Variants in CACNA1C observed in about 807,000 individuals in gnomAD.
CACNA1C encodes the protein calcium voltage-gated channel subunit alpha1 C, also known as voltage-dependent L-type calcium channel subunit alpha-1C.
In CACNA1C, 30 loss-of-function variants were observed where a neutral mutation model predicts 229.0. The ratio of observed to expected loss-of-function variants is 0.13; its 90% CI spans 0.10 to 0.18. The LOEUF (loss-of-function observed/expected upper bound fraction) is 0.18. Ranked by LOEUF, CACNA1C falls within the 10% of genes least tolerant of loss-of-function variation. The pLI, the probability that CACNA1C is intolerant of heterozygous loss-of-function variation, is 1.00. For missense variants in CACNA1C, 1,658 were observed against 2,845.0 expected, an observed-to-expected ratio of 0.58 and a Z score of 9.49; for synonymous variants, 1,114 against 1,132.5, an observed-to-expected ratio of 0.98 and a Z score of 0.33.
At chr12:2,120,252 T>A (rs992873430) in intron 2 of CACNA1C, 73 bp from the exon 3 acceptor site, 4 of 831,548 alleles carry the variant, frequency 4.8e-6, no homozygotes, top group Non-Finnish European at 8.5e-6. Context: ...TGATTCATTT[T>A]AAAAAATATG....
intron 1 of CACNA1C, chr12:1,993,387 C>T: frequency 1.2e-6 from 2 of 1,609,782 alleles, no homozygotes; most frequent in East Asian, 4.5e-5. Flanking sequence ...TTTGGAGAAG[C>T]AGACCTAAAA....
intron 1 of CACNA1C, among the ~76,000 whole-genome samples, chr12:2,081,726 A>AT (rs1162482150): frequency 1.3e-5 from 2 of 152,130 alleles, no homozygotes; most frequent in East Asian, 3.9e-4. Context: ...TTTTAAGAAG[A>AT]TTAAGATTTA....
intron 11 of CACNA1C, among the ~76,000 whole-genome samples, chr12:2,560,363 C>T (rs1285901582): frequency 6.6e-6 from 1 of 152,152 alleles, no homozygotes; most frequent in Non-Finnish European, 1.5e-5. Flanking sequence ...CAGAATGATC[C>T]AAAGTCACGG....
chr12:2,206,751 T>C (rs2097767267), intron 3 of CACNA1C, among the ~76,000 whole-genome samples: 1 of 152,226 alleles, frequency 6.6e-6, no homozygotes, highest in Non-Finnish European at 1.5e-5. Flanking sequence ...AGGTGCATAT[T>C]ATATGCATGT....
chr12:2,089,808 G>A (rs1412789594), intron 1 of CACNA1C, among the ~76,000 whole-genome samples: 2 of 151,858 alleles, frequency 1.3e-5, no homozygotes, highest in East Asian at 3.9e-4. Context: ...GCTGAGGTGG[G>A]CGGATCACAA....
At position 2,595,775 on chromosome 12, in the gene CACNA1C, C is replaced by T. The variant is rs1420665541; in HGVS notation, c.2664-99C>T. 1.1e-5 allele frequency: 13 copies of T among 1,153,638 alleles called. No individual in the cohort carries two copies. The highest frequency in any genetic ancestry group is 8.7e-6 in the Non-Finnish European group (7 of 806,944). 71.5% of individuals were successfully genotyped at this position (1,153,638 alleles called of 1,614,324 possible). ...CAGGCCAACAAGCACCTGTTGCCAG[C>T]TGCTGGGGAGAGCTGAGGAGAGGGG... On this transcript the variant is annotated intron_variant, in intron 19 of 46. Transcript: ENST00000399655. This position sits in a 1 kb window ranked among gnomAD's most constrained non-coding sequence, Gnocchi z 4.1.
intron 3 of CACNA1C, chr12:2,222,149 A>G (rs1394101879): frequency 7.9e-5 from 12 of 152,258 alleles, no homozygotes; most frequent in Non-Finnish European, 1.3e-4. Flanking sequence ...AACATTTGAA[A>G]TAAAAACTTA....
intron 30 of CACNA1C, among the ~76,000 whole-genome samples, chr12:2,645,382 G>T (rs2094224049): frequency 6.6e-6 from 1 of 152,132 alleles, no homozygotes; most frequent in Admixed American, 6.5e-5. Context: ...AAGTATTGAT[G>T]GCTACCAACA....
intron 21 of CACNA1C, among the ~76,000 whole-genome samples, chr12:2,598,630 T>C (rs1476066069): frequency 6.6e-6 from 1 of 152,190 alleles, no homozygotes; most frequent in Non-Finnish European, 1.5e-5. Flanking sequence ...CTGTGGCCAA[T>C]GCAAGCTGAA....
chr12:2,447,242 G>A (rs1284694430), intron 3 of CACNA1C, among the ~76,000 whole-genome samples: 3 of 152,272 alleles, frequency 2.0e-5, no homozygotes, highest in East Asian at 1.9e-4. Context: ...AAAGATTGGA[G>A]CTTCCCACGT....
chr12:2,121,042 C>G (rs1430327170), intron 3 of CACNA1C, among the ~76,000 whole-genome samples: 1 of 152,174 alleles, frequency 6.6e-6, no homozygotes, highest in Non-Finnish European at 1.5e-5. Flanking sequence ...TTACTTTTGG[C>G]TGAGCTTGAA....
At chr12:2,149,315 G>A (rs938972253) in intron 3 of CACNA1C, among the ~76,000 whole-genome samples, 50 of 152,146 alleles carry the variant, frequency 3.3e-4, no homozygotes, top group African/African-American at 1.1e-3. Flanking sequence ...GCATCCTTCC[G>A]AGGCTCAAAG....
At chr12:2,433,761 G>A (rs1483560732) in intron 3 of CACNA1C, among the ~76,000 whole-genome samples, 2 of 152,074 alleles carry the variant, frequency 1.3e-5, no homozygotes, top group Admixed American at 6.5e-5. Flanking sequence ...TAGTCCTGCC[G>A]ACTTCCTTCT....
Position 2,512,787 on chromosome 12 carries a change from C to T in CACNA1C, c.1218-25C>T, listed in dbSNP as rs929360778. ...CCCTCCTTCTCTGTGCTCTCCTGCCCTGCCCCTCCTCTCACTCTCACCAGA... is the reference window on the plus strand; with the variant it reads ...CCCTCCTTCTCTGTGCTCTCCTGCCTTGCCCCTCCTCTCACTCTCACCAGA... On this transcript the variant is annotated intron_variant, in intron 8 of 46. Coordinates refer to ENST00000399655, the MANE Select transcript of CACNA1C (RefSeq NM_000719.7). This position sits in a 1 kb window ranked among gnomAD's most constrained non-coding sequence, Gnocchi z 4.3. 6.3e-7 allele frequency: 1 copy of T among 1,588,714 alleles called. No individual in the cohort carries two copies. Among genetic ancestry groups the T allele is most frequent in the African/African-American group, 1.3e-5 (1 of 74,538 alleles).
intron 9 of CACNA1C, among the ~76,000 whole-genome samples, chr12:2,528,860 C>T (rs2099834190): frequency 6.6e-6 from 1 of 152,258 alleles, no homozygotes; most frequent in South Asian, 2.1e-4. Context: ...AAAATGGCAT[C>T]GTTAGCGTGA....
rs1555107491 is a variant in CACNA1C, at chr12:2,067,482, G to GTGTGTGTGTGTGTGTGCA, written c.49+13871_49+13872insTGTGTGTGTGTGTGTGCA. ...TGTGTGTGTGTGTGTGTGTGTGTGT[G>GTGTGTGTGTGTGTGTGCA]CGCGCGTGTGCGTGCCTGTATGTAA... On this transcript the variant is annotated intron_variant, in intron 1 of 46. Transcript: ENST00000399655. This position sits in a 1 kb window ranked among gnomAD's most constrained non-coding sequence, Gnocchi z 5.3. Among the ~76,000 whole-genome samples the GTGTGTGTGTGTGTGTGCA allele has an allele frequency of 1.2e-4, 2 of 17,306 alleles. No homozygotes were observed. The highest frequency in any genetic ancestry group is 1.6e-4 in the African/African-American group (2 of 12,822). The allele number at this position is 17,306 out of a possible 152,430, so 11.4% of individuals were successfully genotyped here.
chr12:2,565,335 CG>C (rs2050043239), intron 11 of CACNA1C, among the ~76,000 whole-genome samples: 1 of 151,680 alleles, frequency 6.6e-6, no homozygotes, highest in African/African-American at 2.4e-5. Context: ...GGCGCGGTGG[CG>C]GGCGCCTGTA....
chr12:2,018,258 A>G (rs945652566), intron 1 of CACNA1C: 1 of 152,242 alleles, frequency 6.6e-6, no homozygotes, highest in Admixed American at 6.5e-5. Context: ...ATAGGCTGAC[A>G]TGTATGATAA....
intron 3 of CACNA1C, among the ~76,000 whole-genome samples, chr12:2,248,238 A>G (rs564044335): frequency 1.3e-5 from 2 of 152,306 alleles, no homozygotes; most frequent in South Asian, 2.1e-4. Context: ...ACTCTGCTCT[A>G]TAAATATAAC....
Sources: allele counts gnomAD v4.1 joint callset (sites outside exome capture counted in the v4.1 genomes callset), GRCh38; gene constraint gnomAD v4.1.1; non-coding constraint Gnocchi (gnomAD v3.1); transcripts MANE v1.5; gene names NCBI Gene and HGNC (gene_info 2026-07-23, HGNC 2026-07-21).